The following ANGPT1 variants were observed in gnomAD, a reference collection of about 807,000 sequenced individuals.
ANGPT1 encodes angiopoietin 1, also known as angiopoietin-1.
In ANGPT1, 17 loss-of-function variants were observed where a neutral mutation model predicts 62.2. The ratio of observed to expected loss-of-function variants is 0.27; its 90% confidence interval spans 0.19 to 0.41. The LOEUF (loss-of-function observed/expected upper bound fraction) is 0.41, where lower values mean the gene tolerates loss of function less well. Ranked by LOEUF, ANGPT1 falls within the 10% of genes least tolerant of loss-of-function variation. The pLI is 1.00. For missense variants in ANGPT1, 478 were observed against 594.9 expected (o/e 0.80, Z 2.04); for synonymous variants, 199 against 198.9 (o/e 1.00, Z 0.00).
chr8:107,451,539 T>A lies in ANGPT1; in HGVS notation c.297+45723A>T, dbSNP rs369485911. Among the ~76,000 whole-genome samples the A allele has an allele frequency of 1.3e-3, 202 of 152,070 alleles. 1 individual carries two copies. Among genetic ancestry groups the A allele is most frequent in the Non-Finnish European group, 2.3e-3 (158 of 67,886 alleles). On this transcript the variant is annotated intron_variant, in intron 1 of 8. Coordinates refer to ENST00000517746, the MANE Select transcript of ANGPT1 (RefSeq NM_001146.5). ...TTAGTACTATAGAATCAGATCTATA[T>A]CCATATGGTGACATTTATTCACTTC...
intron 2 of ANGPT1, among the ~76,000 whole-genome samples, chr8:107,345,798 A>T (rs1277690976): frequency 6.6e-6 from 1 of 152,170 alleles, no homozygotes; most frequent in Admixed American, 6.5e-5. Context: ...TCCCATGTTC[A>T]TCTGATGTTG....
At chr8:107,471,838 T>TGTA (rs1010239689) in intron 1 of ANGPT1, among the ~76,000 whole-genome samples, 1 of 152,102 alleles carries the variant, frequency 6.6e-6, no homozygotes, top group Admixed American at 6.6e-5. Flanking sequence ...ACAACCATAC[T>TGTA]TGTCTATCAA....
chr8:107,396,780 C>G (rs1274472801), intron 1 of ANGPT1, among the ~76,000 whole-genome samples: 1 of 152,102 alleles, frequency 6.6e-6, no homozygotes, highest in Non-Finnish European at 1.5e-5. Context: ...ACCACGACCC[C>G]CTAAAGTGCT....
chr8:107,255,606 C>A (rs182455103), intron 8 of ANGPT1, among the ~76,000 whole-genome samples: 2 of 152,238 alleles, frequency 1.3e-5, no homozygotes, highest in Non-Finnish European at 2.9e-5. Flanking sequence ...TGCATTTTCT[C>A]ATTTTATCCC....
chr8:107,452,286 C>T (rs1811797702), intron 1 of ANGPT1, among the ~76,000 whole-genome samples: 4 of 151,680 alleles, frequency 2.6e-5, no homozygotes, highest in Admixed American at 2.6e-4. Context: ...ATCCTCATAT[C>T]CTTTATAATT....
intron 1 of ANGPT1, among the ~76,000 whole-genome samples, chr8:107,481,985 C>G (rs1214948877): frequency 1.3e-5 from 2 of 152,108 alleles, no homozygotes; most frequent in Non-Finnish European, 2.9e-5. Flanking sequence ...ACTTATTTCC[C>G]TTCAGTTAAT....
intron 1 of ANGPT1, 52 bp from the exon 2 acceptor site, chr8:107,347,149 T>A: frequency 6.5e-7 from 1 of 1,536,814 alleles, no homozygotes; most frequent in Admixed American, 1.8e-5. Context: ...GGCCTCCCAG[T>A]TCGGGCATGT....
chr8:107,458,062 A>C (rs1381797053), intron 1 of ANGPT1, among the ~76,000 whole-genome samples: 1 of 152,152 alleles, frequency 6.6e-6, no homozygotes, highest in Admixed American at 6.6e-5. Flanking sequence ...AAGTTTCTGA[A>C]ACTGATGGCC....
chr8:107,441,458 T>C (rs1440553975), intron 1 of ANGPT1, among the ~76,000 whole-genome samples: 1 of 152,194 alleles, frequency 6.6e-6, no homozygotes, highest in Non-Finnish European at 1.5e-5. Flanking sequence ...AGTCTCTTGC[T>C]CTACTGGATT....
At chr8:107,415,642 T>C (rs1810719248) in intron 1 of ANGPT1, among the ~76,000 whole-genome samples, 1 of 152,150 alleles carries the variant, frequency 6.6e-6, no homozygotes, top group Admixed American at 6.5e-5. Flanking sequence ...TCTTTCTCAA[T>C]GGAAGCAATA....
At chr8:107,485,876 T>G (rs1466032425) in intron 1 of ANGPT1, among the ~76,000 whole-genome samples, 1 of 152,240 alleles carries the variant, frequency 6.6e-6, no homozygotes, top group African/African-American at 2.4e-5. Context: ...CTTTGTGTTT[T>G]AGAAGTTTTT....
At chr8:107,397,417 A>AT (rs770328447) in intron 1 of ANGPT1, among the ~76,000 whole-genome samples, 12 of 148,006 alleles carry the variant, frequency 8.1e-5, no homozygotes, top group South Asian at 2.2e-4. Flanking sequence ...ACATGAGGGG[A>AT]TTTTTTCCCC....
intron 7 of ANGPT1, among the ~76,000 whole-genome samples, chr8:107,272,888 A>T (rs991228215): frequency 2.8e-5 from 2 of 70,508 alleles, no homozygotes; most frequent in African/African-American, 1.4e-4. Flanking sequence ...TTAAGAATAC[A>T]TAAAAAAAAA....
chr8:107,270,294 A>T (rs1813707967), intron 7 of ANGPT1, among the ~76,000 whole-genome samples: 1 of 152,110 alleles, frequency 6.6e-6, no homozygotes, highest in Non-Finnish European at 1.5e-5. Context: ...CCTTTTAAAC[A>T]GTAGACAGAC....
intron 1 of ANGPT1, among the ~76,000 whole-genome samples, chr8:107,485,171 T>A (rs1280763982): frequency 6.6e-6 from 1 of 152,150 alleles, no homozygotes; most frequent in Non-Finnish European, 1.5e-5. Flanking sequence ...GATGAACACA[T>A]CCCAACAGTA....
At chr8:107,421,729 C>G (rs905593158) in intron 1 of ANGPT1, among the ~76,000 whole-genome samples, 2 of 152,084 alleles carry the variant, frequency 1.3e-5, no homozygotes, top group Admixed American at 6.5e-5. Flanking sequence ...ACAGGGAACA[C>G]AATGCTTCGT....
chr8:107,394,862 ACT>A (rs1563603214), intron 1 of ANGPT1, among the ~76,000 whole-genome samples: 1 of 152,138 alleles, frequency 6.6e-6, no homozygotes, highest in African/African-American at 2.4e-5. Context: ...AACATTAATA[ACT>A]CATAAAAATA....
intron 1 of ANGPT1, among the ~76,000 whole-genome samples, chr8:107,417,910 G>A (rs754088207): frequency 2.6e-5 from 4 of 152,152 alleles, no homozygotes; most frequent in African/African-American, 4.8e-5. Flanking sequence ...TCGGGGGACA[G>A]GGTTTCCCTC....
intron 1 of ANGPT1, among the ~76,000 whole-genome samples, chr8:107,483,443 A>G (rs567468694): frequency 6.6e-6 from 1 of 152,096 alleles, no homozygotes; most frequent in Non-Finnish European, 1.5e-5. Context: ...ACATTAGTTT[A>G]TCTTGACTGT....
Sources: allele counts gnomAD v4.1 joint callset (sites outside exome capture counted in the v4.1 genomes callset), GRCh38; gene constraint gnomAD v4.1.1; transcripts MANE v1.5; gene names NCBI Gene and HGNC (gene_info 2026-07-23, HGNC 2026-07-21).